Variants in KIF26B observed in about 807,000 individuals in gnomAD.
KIF26B encodes kinesin-like protein KIF26B.
KIF26B carries 63 observed loss-of-function variants against 151.2 expected under a neutral mutation model. The observed-to-expected ratio is 0.42, with a 90% CI of 0.34 to 0.51. The LOEUF (loss-of-function observed/expected upper bound fraction) is 0.51, where lower values mean the gene tolerates loss of function less well. Among genes scored for constraint, KIF26B ranks in the 20% least tolerant of loss-of-function variants. KIF26B has a pLI of 0.07. For synonymous variants in KIF26B, 1,357 were observed against 1,262.1 expected, an observed-to-expected ratio of 1.08 and a Z score of -1.59; for missense variants, 2,813 against 2,913.6, an observed-to-expected ratio of 0.97 and a Z score of 0.79.
chr1:245,214,217 T>C (rs372455995), intron 2 of KIF26B: 1 of 145,816 alleles, frequency 6.9e-6, no homozygotes, highest in Non-Finnish European at 1.5e-5. Context: ...CTACAAAAAG[T>C]AAAAAAAAAA....
intron 3 of KIF26B, among the ~76,000 whole-genome samples, chr1:245,394,908 T>C (rs1395699336): frequency 6.6e-6 from 1 of 152,008 alleles, no homozygotes. Context: ...GCCAGGCTGG[T>C]TTCGAACTCC....
At chr1:245,538,826 C>T (rs770730266) in intron 4 of KIF26B, among the ~76,000 whole-genome samples, 91 of 152,082 alleles carry the variant, frequency 6.0e-4, no homozygotes, top group Admixed American at 1.7e-3. Flanking sequence ...AGGGAGGGAT[C>T]GCTGAGCAGA....
At chr1:245,394,769 C>T (rs1311452143) in intron 3 of KIF26B, among the ~76,000 whole-genome samples, 4 of 148,908 alleles carry the variant, frequency 2.7e-5, no homozygotes, top group Admixed American at 6.7e-5. Flanking sequence ...CGGCTCACCG[C>T]AGTCTCCACC....
At chr1:245,248,598 C>A (rs1365458120) in intron 2 of KIF26B, among the ~76,000 whole-genome samples, 1 of 152,200 alleles carries the variant, frequency 6.6e-6, no homozygotes, top group African/African-American at 2.4e-5. Flanking sequence ...AGAACTAAAT[C>A]GTAATGAGCC....
intron 10 of KIF26B, among the ~76,000 whole-genome samples, chr1:245,665,618 T>C (rs889918602): frequency 2.0e-4 from 31 of 152,270 alleles, no homozygotes; most frequent in Admixed American, 1.1e-3. Flanking sequence ...GAATTAGAAC[T>C]GTGTTTGAGC....
intron 2 of KIF26B, among the ~76,000 whole-genome samples, chr1:245,287,735 T>C (rs1213314793): frequency 1.3e-5 from 2 of 152,132 alleles, no homozygotes; most frequent in Non-Finnish European, 2.9e-5. Context: ...ACTCCCGATC[T>C]CAGGTGATCC....
In KIF26B at chr1:245,709,375, A is replaced by T. The variant is rs1243502840; in HGVS notation, c.*6769A>T. On this transcript the variant is annotated 3_prime_UTR_variant, in exon 15 of 15. Transcript: ENST00000407071. ...AGGTGTAAAATGTTGTCAAAAAAGA[A>T]TCTGGTGTTTAAAAAAAAATCAAAC... 1 of 152,218 alleles carries T rather than the reference A, an allele frequency of 6.6e-6. No individual in the cohort carries two copies. Among genetic ancestry groups the T allele is most frequent in the African/African-American group, 2.4e-5 (1 of 41,456 alleles). The allele number at this position is 152,218 out of a possible 1,614,324, so 9.4% of individuals were successfully genotyped here.
At chr1:245,402,619 A>G (rs1674034439) in intron 3 of KIF26B, among the ~76,000 whole-genome samples, 1 of 152,228 alleles carries the variant, frequency 6.6e-6, no homozygotes. Flanking sequence ...ACGTGTCTAA[A>G]TGTACGCAGG....
At chr1:245,268,506 TAATAATAATA>T (rs1167065444) in intron 2 of KIF26B, among the ~76,000 whole-genome samples, 1 of 70,078 alleles carries the variant, frequency 1.4e-5, no homozygotes, top group Non-Finnish European at 3.0e-5. Flanking sequence ...ATAATAATAA[TAATAATAATA>T]AAGTTTTTTT....
rs1558353097 is a variant in KIF26B, at chr1:245,227,725, G to GTT, written c.465+71043_465+71044insTT. The stretch of plus-strand genomic sequence containing the variant: ...CATTAAAAAAACACTCTGAGGCTGG[G>GTT]TGTGGTGGCTCACGCCTGTGATTCC... On this transcript the variant is annotated intron_variant, in intron 2 of 14. Transcript: ENST00000407071. This position sits in a 1 kb window ranked among gnomAD's most constrained non-coding sequence, Gnocchi z 4.1. Among the ~76,000 whole-genome samples the GTT allele has an allele frequency of 1.3e-5, 2 of 152,190 alleles. No homozygotes were observed. Among genetic ancestry groups the GTT allele is most frequent in the Non-Finnish European group, 2.9e-5 (2 of 68,034 alleles).
In KIF26B at chr1:245,609,343, T is replaced by G; in HGVS notation, c.1729T>G (p.Phe577Val). 6.2e-7 allele frequency: 1 copy of G among 1,611,160 alleles called. No individual in the cohort carries two copies. ...CATTCCCTGTGCCATCTCTTGGCTC[T>G]TCAAGCTCATAAACGAACGCAAGGA... ...GIIPCAISWL[F>V]KLINERKEKT... Residue 577 changes from phenylalanine to valine, a missense_variant, in exon 8 of 15, where the codon TTC (phenylalanine) becomes GTC (valine). Around this residue, in one of 3 missense-constraint regions of KIF26B, gnomAD observed 77 missense variants for 136.9 expected, o/e 0.56. Transcript: ENST00000407071.
At chr1:245,282,647 T>G (rs1267123211) in intron 2 of KIF26B, among the ~76,000 whole-genome samples, 1 of 152,176 alleles carries the variant, frequency 6.6e-6, no homozygotes, top group East Asian at 1.9e-4. Flanking sequence ...CTAAGCCCTA[T>G]GCAAATCAGA....
At chr1:245,574,920 A>C (rs2043102869) in intron 5 of KIF26B, among the ~76,000 whole-genome samples, 1 of 131,876 alleles carries the variant, frequency 7.6e-6, no homozygotes, top group Admixed American at 8.7e-5. Flanking sequence ...CTGGAGCGCC[A>C]GTGGCGCGAT....
intron 4 of KIF26B, among the ~76,000 whole-genome samples, chr1:245,465,298 C>G (rs1659761033): frequency 6.6e-6 from 1 of 152,106 alleles, no homozygotes; most frequent in Admixed American, 6.5e-5. Context: ...ATTTCTTCCT[C>G]CAGCCGCCTG....
chr1:245,603,420 G>T (rs1253859020), intron 6 of KIF26B, among the ~76,000 whole-genome samples: 1 of 152,110 alleles, frequency 6.6e-6, no homozygotes, highest in Non-Finnish European at 1.5e-5. Flanking sequence ...ATTGCTCATC[G>T]GTCAGCTGAG....
rs114942526 is a variant in KIF26B, at chr1:245,428,136, G to A, written c.1166+8391G>A. On this transcript the variant is annotated intron_variant, in intron 4 of 14. Coordinates refer to ENST00000407071, the MANE Select transcript of KIF26B (RefSeq NM_018012.4). Reference sequence around the variant, plus strand: ...GATCTTTGAAGGGCTGAACTGGAAGGCAAACCCCTACCCTCTGGTTTCTTA... The same window carrying A: ...GATCTTTGAAGGGCTGAACTGGAAGACAAACCCCTACCCTCTGGTTTCTTA... 3.0e-3 allele frequency among the ~76,000 whole-genome samples: 454 copies of A among 152,292 alleles called. 1 individual carries two copies. Among genetic ancestry groups the A allele is most frequent in the African/African-American group, 0.01 (421 of 41,558 alleles).
chr1:245,554,988 C>G (rs1661984658), intron 5 of KIF26B, among the ~76,000 whole-genome samples: 1 of 152,190 alleles, frequency 6.6e-6, no homozygotes, highest in Non-Finnish European at 1.5e-5. Context: ...GGGCTTTGCT[C>G]AAGGTCGTAT....
chr1:245,486,780 C>T (rs999826303), intron 4 of KIF26B, among the ~76,000 whole-genome samples: 1 of 152,210 alleles, frequency 6.6e-6, no homozygotes, highest in African/African-American at 2.4e-5. Context: ...AAGCCATCCT[C>T]TCGCCTCAGT....
intron 4 of KIF26B, among the ~76,000 whole-genome samples, chr1:245,537,992 TC>T (rs1455074335): frequency 6.6e-6 from 1 of 152,110 alleles, no homozygotes; most frequent in Non-Finnish European, 1.5e-5. Flanking sequence ...CCCTGAGGCC[TC>T]CATCGTTAAG....
Sources: gnomAD v4.1 joint callset for allele counts (sites outside exome capture counted in the v4.1 genomes callset) on GRCh38, gnomAD v4.1.1 for gene constraint, gnomAD v4.1.1 regional missense constraint, Gnocchi (gnomAD v3.1) non-coding constraint, MANE v1.5 for transcripts, NCBI Gene and HGNC (gene_info 2026-07-23, HGNC 2026-07-21) for gene names.